CDX2: variants seen among roughly 807,000 people sequenced by gnomAD.
CDX2 encodes homeobox protein CDX-2.
In CDX2, 7 loss-of-function variants were observed where a neutral mutation model predicts 25.5. That is an observed-to-expected ratio of 0.27 (90% CI 0.16 to 0.52). The LOEUF is 0.52. Ranked by LOEUF, CDX2 falls within the 20% of genes least tolerant of loss-of-function variation. The pLI is 0.97. For missense variants in CDX2, 375 were observed against 431.4 expected (o/e 0.87, Z 1.16); for synonymous variants, 222 against 198.6 (o/e 1.12, Z -0.99).
rs895548166 is a variant in CDX2 at position 27,964,269 on chromosome 13, C to T, written c.687+601G>A. ...ACAAAATTAGCCGGGCGTGGTGGCA[C>T]ATGCCTGTAGTCCCAGCTATTTGGG... On this transcript the variant is annotated intron_variant, in intron 2 of 2. Coordinates refer to ENST00000381020, the MANE Select transcript of CDX2 (RefSeq NM_001265.6). The surrounding 1 kb of genome is among the most constrained non-coding windows in gnomAD (Gnocchi z 4.7). 6.6e-6 allele frequency among the ~76,000 whole-genome samples: 1 copy of T among 152,170 alleles called. No homozygotes were observed. Among genetic ancestry groups the T allele is most frequent in the Non-Finnish European group, 1.5e-5 (1 of 68,038 alleles).
Position 27,963,288 on chromosome 13 carries a change from G to T in CDX2, c.769C>A (p.Pro257Thr). Residue 257 changes from proline (P) to threonine (T), a missense_variant, in exon 3 of 3, where the codon CCA (proline) becomes ACA (threonine). Pro to Thr is a conservative substitution (Grantham distance 38). Coordinates refer to ENST00000381020, the MANE Select transcript of CDX2 (RefSeq NM_001265.6). ...GGTGGCGGCGGAGGCGGCTGTGGTG[G>T]CTGCTGCTGCTGTTGCTGCTGCAAC... Reference protein sequence around the residue: ...KKLQQQQQQQPPQPPPPPPQP... With the variant: ...KKLQQQQQQQTPQPPPPPPQP... 1 of 1,611,550 alleles carries T rather than the reference G, an allele frequency of 6.2e-7. No individual in the cohort carries two copies. The highest frequency in any genetic ancestry group is 8.5e-7 in the Non-Finnish European group (1 of 1,177,696).
In CDX2 at chr13:27,968,754, C is replaced by A; in HGVS notation, c.253G>T (p.Ala85Ser). The change falls in exon 1 of 3, where the codon GCC (alanine) becomes TCC (serine). Residue 85 changes from alanine (A) to serine (S), a missense_variant. Around this residue, in one of 3 missense-constraint regions of CDX2, gnomAD observed 253 missense variants for 247.5 expected, o/e 1.02. Coordinates refer to ENST00000381020, the MANE Select transcript of CDX2 (RefSeq NM_001265.6). ...GCCACGGCGTTGGCGGCGGCCGCGG[C>A]GCCTCCGGGCGCGTAGCCATTCCAG... ...EDWNGYAPGG[A>S]AAAANAVAHG... The A allele has an allele frequency of 6.7e-7, 1 of 1,500,364 alleles. No homozygotes were observed. Among genetic ancestry groups the A allele is most frequent in the South Asian group, 1.3e-5 (1 of 77,530 alleles). 92.9% of individuals were successfully genotyped at this position (1,500,364 alleles called of 1,614,324 possible).
rs1869501557 is a variant in CDX2, at chr13:27,969,009, T to C, written c.-3A>G. 6.3e-7 allele frequency: 1 copy of C among 1,593,336 alleles called. No homozygotes were observed. The highest frequency in any genetic ancestry group is 8.5e-7 in the Non-Finnish European group (1 of 1,176,246). Reference sequence around the variant, plus strand: ...TCCAGGAGGTAGCTCACGTACATGGTGGCGAGGGTCCGGGAGCAGACCTCA... The same window carrying C: ...TCCAGGAGGTAGCTCACGTACATGGCGGCGAGGGTCCGGGAGCAGACCTCA... On this transcript the variant is annotated 5_prime_UTR_variant, in exon 1 of 3. Coordinates refer to ENST00000381020, the MANE Select transcript of CDX2 (RefSeq NM_001265.6).
Position 27,961,559 on chromosome 13 carries a change from G to T in CDX2, c.*1556C>A, listed in dbSNP as rs550367583. ...TTTGTGGGGTGATTGGGTTGGAAGG[G>T]GGGGCGCGGTCGGGGATAAGGAAAC... On this transcript the variant is annotated 3_prime_UTR_variant, in exon 3 of 3. Coordinates refer to ENST00000381020, the MANE Select transcript of CDX2 (RefSeq NM_001265.6). Among the ~76,000 whole-genome samples, 2 of 152,136 alleles carry T rather than the reference G, an allele frequency of 1.3e-5. No individual in the cohort carries two copies. The highest frequency in any genetic ancestry group is 4.8e-5 in the African/African-American group (2 of 41,434).
rs575341095 is a variant in CDX2 at position 27,962,737 on chromosome 13, C to G, written c.*378G>C. 1 of 249,494 alleles carries G rather than the reference C, an allele frequency of 4.0e-6. No homozygotes were observed. The highest frequency in any genetic ancestry group is 5.9e-5 in the East Asian group (1 of 16,976). 15.5% of individuals were successfully genotyped at this position (249,494 alleles called of 1,614,324 possible). A position where few individuals can be genotyped will look rare whatever the true frequency, so the allele number is the denominator to read the frequency against. On this transcript the variant is annotated 3_prime_UTR_variant, in exon 3 of 3. Transcript: ENST00000381020. ...AAGCTTGCCTTTCCCTTGAGTCCCT[C>G]TCTCCCCTCGGCTCTAGCCAGAGGT...
chr13:27,966,447 G>C (rs1317090215), intron 1 of CDX2, among the ~76,000 whole-genome samples: 3 of 152,240 alleles, frequency 2.0e-5, no homozygotes, highest in Non-Finnish European at 4.4e-5. Context: ...TGGAGAATCA[G>C]ACCGGGTCAC....
chr13:27,967,758 C>T (rs1869407015), intron 1 of CDX2, among the ~76,000 whole-genome samples: 1 of 152,234 alleles, frequency 6.6e-6, no homozygotes, highest in Non-Finnish European at 1.5e-5. Flanking sequence ...TCCGCAGACG[C>T]CTGCCCCTAG....
At position 27,962,715 on chromosome 13, in the gene CDX2, C is replaced by A; in HGVS notation, c.*400G>T. 4.1e-6 allele frequency: 1 copy of A among 243,476 alleles called. No homozygotes were observed. Among genetic ancestry groups the A allele is most frequent in the Admixed American group, 5.4e-5 (1 of 18,462 alleles). 15.1% of individuals were successfully genotyped at this position (243,476 alleles called of 1,614,324 possible). A position where few individuals can be genotyped will look rare whatever the true frequency, so the allele number is the denominator to read the frequency against. The stretch of plus-strand genomic sequence containing the variant: ...AGGCAGCAGCCATCTTGGCCTCAAG[C>A]TTGCCTTTCCCTTGAGTCCCTCTCT... On this transcript the variant is annotated 3_prime_UTR_variant, in exon 3 of 3. Transcript: ENST00000381020.
rs565771107 is a variant in CDX2, at chr13:27,966,880, C to T, written c.541+1586G>A. On this transcript the variant is annotated intron_variant, in intron 1 of 2. Transcript: ENST00000381020. ...CGCGTCCCCCCCTCCACCCCCACACCTTGACAGATGACGCTCCGCAGAGGA... is the reference window on the plus strand; with the variant it reads ...CGCGTCCCCCCCTCCACCCCCACACTTTGACAGATGACGCTCCGCAGAGGA... 3.0e-4 allele frequency among the ~76,000 whole-genome samples: 45 copies of T among 152,104 alleles called. 1 individual carries two copies. Among genetic ancestry groups the T allele is most frequent in the African/African-American group, 1.0e-3 (43 of 41,516 alleles).
chr13:27,966,565 A>G (rs1269193577), intron 1 of CDX2, among the ~76,000 whole-genome samples: 1 of 152,104 alleles, frequency 6.6e-6, no homozygotes, highest in East Asian at 1.9e-4. Flanking sequence ...CCCGGGAGGG[A>G]GACTCGCCTG....
chr13:27,965,128 GC>G (rs1450567807), intron 1 of CDX2, 113 bp from the exon 2 acceptor site: 2 of 1,207,064 alleles, frequency 1.7e-6, no homozygotes, highest in African/African-American at 3.0e-5. Flanking sequence ...ACCCTGGGGG[GC>G]CCGGGTTTGG....
chr13:27,966,209 T>A (rs1287063725), intron 1 of CDX2, among the ~76,000 whole-genome samples: 3 of 152,234 alleles, frequency 2.0e-5, no homozygotes, highest in African/African-American at 7.2e-5. Flanking sequence ...TTACCACTAC[T>A]GAGCAAATGG....
rs1869054256 is a variant in CDX2, at chr13:27,961,647, A to T, written c.*1468T>A. On this transcript the variant is annotated 3_prime_UTR_variant, in exon 3 of 3. Transcript: ENST00000381020. ...CACGGAAATGCCCAGTGATTTACAG[A>T]AGACTAAATTCATGGAAATGCTGTC... is the stretch of plus-strand genomic sequence containing the variant. 1.3e-5 allele frequency among the ~76,000 whole-genome samples: 2 copies of T among 152,006 alleles called. No individual in the cohort carries two copies. The highest frequency in any genetic ancestry group is 2.9e-5 in the Non-Finnish European group (2 of 68,020).
In CDX2 at chr13:27,962,945, C is replaced by A. The variant is rs1199875246; in HGVS notation, c.*170G>T. On this transcript the variant is annotated 3_prime_UTR_variant, in exon 3 of 3. Transcript: ENST00000381020. ...ATCTGGGAGAGTATATTTCTTGAGG[C>A]CCCAAATCCCACTTGTCTTACTCCT... The A allele has an allele frequency of 3.9e-6, 3 of 764,338 alleles. No homozygotes were observed. Among genetic ancestry groups the A allele is most frequent in the Non-Finnish European group, 5.7e-6 (3 of 524,374 alleles). 47.3% of individuals were successfully genotyped at this position (764,338 alleles called of 1,614,324 possible).
chr13:27,969,013 G>A lies in CDX2; in HGVS notation c.-7C>T, dbSNP rs1330973862. 7 of 1,590,004 alleles carry A rather than the reference G, an allele frequency of 4.4e-6. No individual in the cohort carries two copies. The highest frequency in any genetic ancestry group is 1.7e-4 in the Middle Eastern group (1 of 6,024). ...GGAGGTAGCTCACGTACATGGTGGC[G>A]AGGGTCCGGGAGCAGACCTCACCAT... On this transcript the variant is annotated 5_prime_UTR_variant, in exon 1 of 3. Coordinates refer to ENST00000381020, the MANE Select transcript of CDX2 (RefSeq NM_001265.6).
rs1370890003 is a variant in CDX2, at chr13:27,964,558, G to C, written c.687+312C>G. 6.6e-6 allele frequency among the ~76,000 whole-genome samples: 1 copy of C among 151,938 alleles called. No individual in the cohort carries two copies. The highest frequency in any genetic ancestry group is 1.5e-5 in the Non-Finnish European group (1 of 67,992). On this transcript the variant is annotated intron_variant, in intron 2 of 2. Transcript: ENST00000381020. This position sits in a 1 kb window ranked among gnomAD's most constrained non-coding sequence, Gnocchi z 4.7. The stretch of plus-strand genomic sequence containing the variant: ...ATCTCTGCAAAAAATTTAAACATTA[G>C]CCAGTCATGGTGGCTCGAGCCTGTA...
At position 27,961,246 on chromosome 13, in the gene CDX2, G is replaced by A. The variant is rs1448640982; in HGVS notation, c.*1869C>T. On this transcript the variant is annotated 3_prime_UTR_variant, in exon 3 of 3. Coordinates refer to ENST00000381020, the MANE Select transcript of CDX2 (RefSeq NM_001265.6). ...GCCACCCGGAAGGGCCGCGGAATTGGAGAGGTGCTGCAGAGGGTCTATACC... is the reference window on the plus strand; with the variant it reads ...GCCACCCGGAAGGGCCGCGGAATTGAAGAGGTGCTGCAGAGGGTCTATACC... Among the ~76,000 whole-genome samples, 1 of 152,248 alleles carries A rather than the reference G, an allele frequency of 6.6e-6. No homozygotes were observed. Among genetic ancestry groups the A allele is most frequent in the Non-Finnish European group, 1.5e-5 (1 of 68,044 alleles).
chr13:27,966,801 C>A (rs934013770), intron 1 of CDX2, among the ~76,000 whole-genome samples: 1 of 152,170 alleles, frequency 6.6e-6, no homozygotes, highest in Admixed American at 6.5e-5. Flanking sequence ...TCTTTCCGGG[C>A]CCTAAAAGAG....
At chr13:27,966,123 A>C (rs905275781) in intron 1 of CDX2, among the ~76,000 whole-genome samples, 10 of 152,258 alleles carry the variant, frequency 6.6e-5, no homozygotes, top group African/African-American at 2.4e-4. Context: ...ACACAGCCGC[A>C]AACAATGCAG....
Sources: gnomAD v4.1 joint callset for allele counts (sites outside exome capture counted in the v4.1 genomes callset) on GRCh38, gnomAD v4.1.1 for gene constraint, gnomAD v4.1.1 regional missense constraint, Gnocchi (gnomAD v3.1) non-coding constraint, MANE v1.5 for transcripts, NCBI Gene and HGNC (gene_info 2026-07-23, HGNC 2026-07-21) for gene names.